The following DGKZ variants were observed in gnomAD, a reference collection of about 807,000 sequenced individuals.
DGKZ encodes the protein diacylglycerol kinase zeta.
Under a neutral mutation model 142.5 loss-of-function variants are expected in DGKZ, and 45 were observed. The ratio of observed to expected loss-of-function variants is 0.32; its 90% CI spans 0.25 to 0.40. The LOEUF is 0.40. Among genes scored for constraint, DGKZ ranks in the 10% least tolerant of loss-of-function variants. The pLI is 1.00. For synonymous variants in DGKZ, 442 were observed against 527.0 expected, an observed-to-expected ratio of 0.84 and a Z score of 2.21; for missense variants, 755 against 1,306.5, an observed-to-expected ratio of 0.58 and a Z score of 6.51.
rs2136464172 is a variant in DGKZ, at chr11:46,367,470, GC to G, written c.270+72del. ...GCCAAGGCGCAGCTGGCGGGTGGAG[GC>G]ACTAAAGGCAGCTGGGAGAGCCAAG... On this transcript the variant is annotated intron_variant, in intron 2 of 30. Coordinates refer to ENST00000527911, the Ensembl canonical transcript of DGKZ. The surrounding 1 kb of genome is among the most constrained non-coding windows in gnomAD (Gnocchi z 4.1). 1 of 1,514,366 alleles carries G rather than the reference GC, an allele frequency of 6.6e-7. No individual in the cohort carries two copies. Among genetic ancestry groups the G allele is most frequent in the East Asian group, 2.3e-5 (1 of 42,996 alleles). The allele number at this position is 1,514,366 out of a possible 1,614,324, so 93.8% of individuals were successfully genotyped here.
At chr11:46,355,709 A>G (rs1216492764) in intron 1 of DGKZ, among the ~76,000 whole-genome samples, 2 of 151,452 alleles carry the variant, frequency 1.3e-5, no homozygotes, top group Non-Finnish European at 2.9e-5. Context: ...GGGAGGGAGC[A>G]ACATGGTCAG....
At chr11:46,363,444 C>A (rs751589480) in intron 1 of DGKZ, among the ~76,000 whole-genome samples, 2 of 152,224 alleles carry the variant, frequency 1.3e-5, no homozygotes, top group East Asian at 1.9e-4. Context: ...CGGCCTTGCC[C>A]ACCCCACTCT....
intron 1 of DGKZ, chr11:46,365,441 C>A (rs752762282): frequency 5.1e-6 from 5 of 985,306 alleles, no homozygotes; most frequent in Non-Finnish European, 6.0e-6. Flanking sequence ...CACGCACACA[C>A]CCAGAATCCA....
At chr11:46,379,301 A>G (rs998993374) in intron 29 of DGKZ, 65 bp downstream of exon 29, 13 of 1,604,226 alleles carry the variant, frequency 8.1e-6, no homozygotes, top group South Asian at 1.1e-5. Flanking sequence ...CACCCCTCCC[A>G]TTTTGTCAGG....
chr11:46,364,834 G>C (rs1021429060), intron 1 of DGKZ: 3 of 985,394 alleles, frequency 3.0e-6, no homozygotes, highest in Non-Finnish European at 3.6e-6. Context: ...GGGGACCACA[G>C]GGCTTCTTCT....
intron 4 of DGKZ, chr11:46,368,879 G>C (rs911841764): frequency 5.8e-6 from 1 of 173,260 alleles, no homozygotes; most frequent in South Asian, 1.2e-4. Flanking sequence ...GGCTGGCTGC[G>C]TGTGCCCGGG....
exon 31 of DGKZ, chr11:46,379,976 A>G: frequency 1.3e-6 from 2 of 1,579,688 alleles, no homozygotes; most frequent in South Asian, 2.3e-5. Flanking sequence ...CAGGAGGGAC[A>G]ATGCGGCCAG....
chr11:46,375,093 G>A, intron 19 of DGKZ, 48 bp downstream of exon 19: 1 of 1,500,670 alleles, frequency 6.7e-7, no homozygotes, highest in African/African-American at 1.4e-5. Flanking sequence ...GCCCAAAGGT[G>A]GAAGGGGTCA....
intron 1 of DGKZ, among the ~76,000 whole-genome samples, chr11:46,362,738 C>G (rs1343079330): frequency 1.3e-5 from 2 of 152,206 alleles, no homozygotes; most frequent in East Asian, 3.9e-4. Flanking sequence ...GGCCTGGGCT[C>G]TGGAGGGTGG....
intron 1 of DGKZ, chr11:46,365,302 A>G: frequency 1.0e-6 from 1 of 985,372 alleles, no homozygotes; most frequent in Non-Finnish European, 1.2e-6. Context: ...CATCAGGAGC[A>G]GAGTCAGAAG....
intron 1 of DGKZ, among the ~76,000 whole-genome samples, chr11:46,352,819 C>G (rs1453569067): frequency 6.6e-6 from 1 of 152,254 alleles, no homozygotes; most frequent in East Asian, 1.9e-4. Context: ...CTCCTCTGTT[C>G]CGTGTCGGGG....
chr11:46,358,914 G>A (rs188390523), intron 1 of DGKZ, among the ~76,000 whole-genome samples: 5 of 151,958 alleles, frequency 3.3e-5, no homozygotes, highest in African/African-American at 4.8e-5. Flanking sequence ...AGGCTGAGGC[G>A]GGCAGATCAC....
At chr11:46,347,303 G>T (rs1940735801), upstream of DGKZ, 14 of 984,922 alleles carry the variant, frequency 1.4e-5, no homozygotes, top group South Asian at 6.6e-4. This position sits in a 1 kb window ranked among gnomAD's most constrained non-coding sequence, Gnocchi z 6.4. Context: ...CCGCCCATTC[G>T]TCGCCCCGCC....
At position 46,367,390 on chromosome 11, in the gene DGKZ, G is replaced by A; in HGVS notation, c.261G>A (p.Val87=). 2 of 1,613,076 alleles carry A rather than the reference G, an allele frequency of 1.2e-6. No individual in the cohort carries two copies. The highest frequency in any genetic ancestry group is 1.7e-6 in the Non-Finnish European group (2 of 1,179,962). ...CAGAGCGGCAGATCCGGAGTACAGT[G>A]GACTGGAGCGTGAGTGCCTGAACAC... The change falls in exon 2 of 31, where the codon GTG becomes GTA. Residue 87 remains valine, a synonymous_variant. Coordinates refer to ENST00000527911, the Ensembl canonical transcript of DGKZ. The surrounding 1 kb of genome is among the most constrained non-coding windows in gnomAD (Gnocchi z 4.1).
intron 25 of DGKZ, 50 bp downstream of exon 25, chr11:46,377,262 G>A (rs1009921227): frequency 3.3e-6 from 5 of 1,529,876 alleles, no homozygotes; most frequent in East Asian, 2.3e-5. Flanking sequence ...AGCCCCACCT[G>A]TAAGCCGATG....
chr11:46,365,551 A>C, intron 1 of DGKZ: 1 of 985,452 alleles, frequency 1.0e-6, no homozygotes, highest in East Asian at 1.1e-4. Context: ...GTGACTCTCC[A>C]GTTCCCTGAG....
intron 1 of DGKZ, chr11:46,365,607 G>A: frequency 1.0e-6 from 1 of 985,360 alleles, no homozygotes; most frequent in Non-Finnish European, 1.2e-6. Context: ...CTATTTCCAG[G>A]AGTCACCTTC....
At chr11:46,341,610 C>T (rs1940278384) in intron 1 of DGKZ, among the ~76,000 whole-genome samples, 1 of 152,180 alleles carries the variant, frequency 6.6e-6, no homozygotes, top group Non-Finnish European at 1.5e-5. Context: ...TAATGACTGG[C>T]CCACAGTCAC....
chr11:46,343,302 A>T (rs753098106), upstream of DGKZ, among the ~76,000 whole-genome samples: 3 of 152,214 alleles, frequency 2.0e-5, no homozygotes, highest in Non-Finnish European at 4.4e-5. Context: ...ATTGCATAGC[A>T]TGCATTTATT....
Sources: gnomAD v4.1 joint callset for allele counts (sites outside exome capture counted in the v4.1 genomes callset) on GRCh38, gnomAD v4.1.1 for gene constraint, Gnocchi (gnomAD v3.1) non-coding constraint, MANE v1.5 for transcripts, NCBI Gene and HGNC (gene_info 2026-07-23, HGNC 2026-07-21) for gene names.